COL24A1: variants seen among roughly 807,000 people sequenced by gnomAD.
COL24A1 encodes collagen type XXIV alpha 1 chain.
COL24A1 carries 224 observed loss-of-function variants against 253.9 expected under a neutral mutation model. That is an observed-to-expected ratio of 0.88 (90% confidence interval 0.79 to 0.99). The LOEUF (loss-of-function observed/expected upper bound fraction) is 0.99. COL24A1 is among the 50% of genes least tolerant of loss of function. The pLI, the probability that COL24A1 is intolerant of heterozygous loss-of-function variation, is 0.00. For synonymous variants in COL24A1, 685 were observed against 673.7 expected (o/e 1.02, Z -0.26); for missense variants, 2,131 against 2,068.5 (o/e 1.03, Z -0.59).
intron 37 of COL24A1, among the ~76,000 whole-genome samples, chr1:85,853,462 G>A (rs1235185067): frequency 6.6e-6 from 1 of 152,142 alleles, no homozygotes; most frequent in Non-Finnish European, 1.5e-5. Context: ...TGGTAGAACA[G>A]TTTATATTCC....
chr1:86,112,656 A>G (rs369357361), intron 4 of COL24A1, 36 bp from the exon 5 acceptor site: 1 of 1,588,776 alleles, frequency 6.3e-7, no homozygotes, highest in East Asian at 2.2e-5. Flanking sequence ...TTCTTGGAAC[A>G]TACTGGAATG....
intron 39 of COL24A1, among the ~76,000 whole-genome samples, 187 bp from the exon 40 acceptor site, chr1:85,842,580 A>T (rs543340972): frequency 2.6e-5 from 4 of 152,162 alleles, no homozygotes; most frequent in Admixed American, 6.5e-5. Flanking sequence ...AAACACAAAA[A>T]GTTCTGCAAC....
intron 19 of COL24A1, among the ~76,000 whole-genome samples, chr1:86,011,303 C>G (rs1696462325): frequency 6.6e-6 from 1 of 152,046 alleles, no homozygotes; most frequent in African/African-American, 2.4e-5. Context: ...AAGGCTTAAC[C>G]TCTGATTTTA....
At chr1:85,948,523 C>CAAAA (rs751884453) in intron 24 of COL24A1, among the ~76,000 whole-genome samples, 55 of 63,590 alleles carry the variant, frequency 8.6e-4, no homozygotes, top group East Asian at 2.2e-3. Context: ...GACTCCGTCT[C>CAAAA]AAAAAAAAAA....
intron 5 of COL24A1, among the ~76,000 whole-genome samples, chr1:86,096,578 T>C (rs1313669434): frequency 1.3e-5 from 2 of 152,134 alleles, no homozygotes; most frequent in African/African-American, 4.8e-5. Flanking sequence ...ATCCCCCTTA[T>C]GGCCTCGCTT....
chr1:85,907,078 C>A (rs140103117), intron 28 of COL24A1, 116 bp downstream of exon 28: 4 of 703,936 alleles, frequency 5.7e-6, no homozygotes, highest in African/African-American at 3.6e-5. Flanking sequence ...TAGAAAAAAC[C>A]TGACAAGATC....
At chr1:85,815,359 A>C (rs527839016) in intron 47 of COL24A1, among the ~76,000 whole-genome samples, 1 of 152,192 alleles carries the variant, frequency 6.6e-6, no homozygotes, top group Non-Finnish European at 1.5e-5. Context: ...TGGGATCTCA[A>C]ATGAGTCTCT....
At chr1:86,025,478 T>A (rs1697944067) in intron 14 of COL24A1, among the ~76,000 whole-genome samples, 1 of 152,132 alleles carries the variant, frequency 6.6e-6, no homozygotes, top group Non-Finnish European at 1.5e-5. Flanking sequence ...TGCTTTTAAA[T>A]CACACCCACC....
At chr1:85,831,731 A>G (rs113086971) in intron 43 of COL24A1, among the ~76,000 whole-genome samples, 76 of 152,192 alleles carry the variant, frequency 5.0e-4, no homozygotes, top group Admixed American at 5.2e-4. Context: ...CGGGCAGTAA[A>G]GTGAGGACAT....
Position 85,918,546 on chromosome 1 carries a change from G to A in COL24A1, c.2563-7113C>T, listed in dbSNP as rs369391440. Among the ~76,000 whole-genome samples the A allele has an allele frequency of 6.6e-5, 10 of 152,146 alleles. No individual in the cohort carries two copies. In the East Asian group the frequency reaches 1.7e-3, roughly 26 times the overall value. On this transcript the variant is annotated intron_variant, in intron 24 of 59. Coordinates refer to ENST00000370571, the MANE Select transcript of COL24A1 (RefSeq NM_152890.7). ...GACTGAAAATAAGCATGCCAACAAA[G>A]GTTTATATCAGTGGTAAGGAATGTG...
Position 86,115,346 on chromosome 1 carries a change from C to T in COL24A1, c.1524G>A (p.Pro508=), listed in dbSNP as rs201701700. The T allele has an allele frequency of 3.3e-4, 532 of 1,613,958 alleles. No individual in the cohort carries two copies. Among genetic ancestry groups the T allele is most frequent in the Admixed American group, 1.3e-3 (80 of 59,996 alleles). ...TTACCCGTGGACCTCTCTTCCCTGACGGACCTGGGATACCTGCTGGACCAG... is the reference window on the plus strand; with the variant it reads ...TTACCCGTGGACCTCTCTTCCCTGATGGACCTGGGATACCTGCTGGACCAG... ...GPPGPAGIPG[P]SGKRGPRGIP... Residue 508 remains proline, a synonymous_variant, in exon 4 of 60, where the codon CCG becomes CCA. Coordinates refer to ENST00000370571, the MANE Select transcript of COL24A1 (RefSeq NM_152890.7).
At chr1:85,737,323 T>C in intron 58 of COL24A1, 73 bp downstream of exon 58, 1 of 805,746 alleles carries the variant, frequency 1.2e-6, no homozygotes, top group South Asian at 2.1e-5. Context: ...TTTAAAATGA[T>C]AGAATTTTAA....
At chr1:85,735,013 C>T (rs1663903299) in intron 58 of COL24A1, 49 bp from the exon 59 acceptor site, 1 of 1,566,688 alleles carries the variant, frequency 6.4e-7, no homozygotes, top group African/African-American at 1.4e-5. Context: ...AATTGAGAAA[C>T]TTAACAGTTC....
intron 24 of COL24A1, among the ~76,000 whole-genome samples, chr1:85,920,376 A>G (rs962647144): frequency 3.9e-5 from 6 of 152,234 alleles, no homozygotes; most frequent in Admixed American, 3.9e-4. Context: ...AAACATTTGC[A>G]AACACAAAGT....
At chr1:85,803,554 A>G (rs1408183149) in intron 47 of COL24A1, among the ~76,000 whole-genome samples, 1 of 151,460 alleles carries the variant, frequency 6.6e-6, no homozygotes, top group Admixed American at 6.6e-5. Context: ...TTCCCTCAGC[A>G]ATGTTTTATA....
At chr1:85,730,810 G>T in intron 59 of COL24A1, 118 bp from the exon 60 acceptor site, 1 of 1,044,614 alleles carries the variant, frequency 9.6e-7, no homozygotes. Context: ...CGAATAGAAA[G>T]TGCCTAGAAC....
At chr1:85,780,895 T>G (rs1669072353) in intron 52 of COL24A1, among the ~76,000 whole-genome samples, 1 of 152,108 alleles carries the variant, frequency 6.6e-6, no homozygotes, top group African/African-American at 2.4e-5. Flanking sequence ...TCTGCACATC[T>G]TTTGCTATCT....
chr1:86,016,995 T>C (rs184072924), intron 19 of COL24A1, among the ~76,000 whole-genome samples, 156 bp downstream of exon 19: 1 of 152,342 alleles, frequency 6.6e-6, no homozygotes, highest in African/African-American at 2.4e-5. Flanking sequence ...GCATACCTCG[T>C]GACATAACAG....
chr1:86,042,837 G>C (rs1237720849), intron 12 of COL24A1, among the ~76,000 whole-genome samples: 1 of 152,020 alleles, frequency 6.6e-6, no homozygotes, highest in African/African-American at 2.4e-5. Flanking sequence ...GACAATTTTA[G>C]ACAAGACTTT....
Sources: allele counts gnomAD v4.1 joint callset (sites outside exome capture counted in the v4.1 genomes callset), GRCh38; gene constraint gnomAD v4.1.1; transcripts MANE v1.5; gene names NCBI Gene and HGNC (gene_info 2026-07-23, HGNC 2026-07-21).